Variants in VIT observed in about 807,000 individuals in gnomAD.
VIT encodes vitrin.
Under a neutral mutation model 78.0 loss-of-function variants are expected in VIT, and 99 were observed. The observed-to-expected ratio is 1.27, with a 90% CI of 1.08 to 1.50. The LOEUF is 1.50. VIT is among the 40% of genes most tolerant of loss of function. The probability of loss-of-function intolerance (pLI) is 0.00; values close to 1 mark genes in which losing one functional copy is unlikely to be tolerated. For synonymous variants in VIT, 374 were observed against 334.3 expected (o/e 1.12, Z -1.29); for missense variants, 1,126 against 875.3 (o/e 1.29, Z -3.61).
In VIT at chr2:36,778,982, G is replaced by A. The variant is rs1299225687; in HGVS notation, c.803-2745G>A. Among the ~76,000 whole-genome samples the A allele has an allele frequency of 2.0e-5, 3 of 152,320 alleles. No individual in the cohort carries two copies. The South Asian group carries it at 6.2e-4, about 32-fold the overall frequency. Reference sequence around the variant, plus strand: ...GAGAGCCCAAAGGGCCATGTTTGCAGCTCTTGCTTGGGTCCCGTGTTGGTG... The same window carrying A: ...GAGAGCCCAAAGGGCCATGTTTGCAACTCTTGCTTGGGTCCCGTGTTGGTG... On this transcript the variant is annotated intron_variant, in intron 9 of 15. Transcript: ENST00000379242.
At chr2:36,744,000 A>G (rs1667989791) in intron 4 of VIT, among the ~76,000 whole-genome samples, 1 of 152,028 alleles carries the variant, frequency 6.6e-6, no homozygotes, top group African/African-American at 2.4e-5. Flanking sequence ...TGTTGTTCCC[A>G]TCTTTGCATC....
intron 11 of VIT, among the ~76,000 whole-genome samples, chr2:36,784,731 T>C (rs914869372): frequency 6.6e-5 from 10 of 152,252 alleles, no homozygotes; most frequent in African/African-American, 2.2e-4. Flanking sequence ...CAACCTCTGA[T>C]CTCTTCTTTA....
At chr2:36,715,291 G>T (rs1251207391) in intron 1 of VIT, among the ~76,000 whole-genome samples, 1 of 152,128 alleles carries the variant, frequency 6.6e-6, no homozygotes, top group East Asian at 1.9e-4. Flanking sequence ...TGTAATTCCA[G>T]CACTTTGGGA....
At chr2:36,794,859 C>T (rs868766719) in intron 12 of VIT, among the ~76,000 whole-genome samples, 2 of 151,788 alleles carry the variant, frequency 1.3e-5, no homozygotes, top group Non-Finnish European at 2.9e-5. Context: ...AAAGAAATAC[C>T]GTTAAAAAAA....
At chr2:36,798,404 G>T (rs1666062009) in intron 12 of VIT, among the ~76,000 whole-genome samples, 1 of 152,160 alleles carries the variant, frequency 6.6e-6, no homozygotes, top group Non-Finnish European at 1.5e-5. Context: ...CTGAGGGATG[G>T]GGGCTGATGG....
At chr2:36,709,890 G>A (rs533519581) in intron 1 of VIT, among the ~76,000 whole-genome samples, 6 of 152,210 alleles carry the variant, frequency 3.9e-5, no homozygotes, top group Non-Finnish European at 8.8e-5. Context: ...TTATTCTGTA[G>A]AGAATGAGTG....
chr2:36,708,122 C>A (rs1665560790), intron 1 of VIT, among the ~76,000 whole-genome samples: 1 of 150,626 alleles, frequency 6.6e-6, no homozygotes, highest in Non-Finnish European at 1.5e-5. Flanking sequence ...CCCCCCCCGC[C>A]CACCTAGTGC....
At chr2:36,712,424 G>C (rs1252781463) in intron 1 of VIT, among the ~76,000 whole-genome samples, 6 of 152,178 alleles carry the variant, frequency 3.9e-5, no homozygotes, top group Non-Finnish European at 8.8e-5. Context: ...ACAGATTTGA[G>C]AGCACTTCTC....
chr2:36,739,350 G>A (rs896125753), intron 3 of VIT, among the ~76,000 whole-genome samples: 77 of 152,118 alleles, frequency 5.1e-4, no homozygotes, highest in African/African-American at 1.7e-3. Flanking sequence ...CTACATAATC[G>A]GCTTGCTGTA....
At chr2:36,733,155 C>A (rs774687839) in intron 3 of VIT, among the ~76,000 whole-genome samples, 5 of 152,124 alleles carry the variant, frequency 3.3e-5, no homozygotes, top group Non-Finnish European at 7.4e-5. Context: ...CAAGGCCAAT[C>A]TGCTTAAGCA....
intron 15 of VIT, among the ~76,000 whole-genome samples, chr2:36,812,925 A>G (rs189517680): frequency 0.015 from 2,113 of 136,708 alleles, 52 homozygotes; most frequent in African/African-American, 0.057. Flanking sequence ...CAGCGGTGCC[A>G]TCTCGGCTCA....
chr2:36,701,165 G>A (rs748641412), intron 1 of VIT, among the ~76,000 whole-genome samples: 7 of 152,200 alleles, frequency 4.6e-5, no homozygotes, highest in Non-Finnish European at 8.8e-5. Context: ...GTGGAGAGGC[G>A]TGGAGGCAAG....
intron 12 of VIT, among the ~76,000 whole-genome samples, chr2:36,793,868 G>A (rs1204055321): frequency 6.6e-6 from 1 of 152,158 alleles, no homozygotes; most frequent in Non-Finnish European, 1.5e-5. Context: ...AGGTACTTTA[G>A]GACTGAAAGG....
intron 10 of VIT, 65 bp downstream of exon 10, chr2:36,781,836 A>G: frequency 6.3e-7 from 1 of 1,588,402 alleles, no homozygotes; most frequent in Non-Finnish European, 8.6e-7. Context: ...CAGAACTAAG[A>G]GTCTAATAAT....
intron 1 of VIT, among the ~76,000 whole-genome samples, chr2:36,706,645 A>G (rs1210232593): frequency 6.6e-6 from 1 of 152,112 alleles, no homozygotes; most frequent in African/African-American, 2.4e-5. Context: ...ATCCCAGGGG[A>G]GGCCTCAATT....
chr2:36,794,016 T>C (rs1311932242), intron 12 of VIT, among the ~76,000 whole-genome samples: 11 of 152,134 alleles, frequency 7.2e-5, no homozygotes, highest in Admixed American at 2.6e-4. Flanking sequence ...CTTAGGTGAG[T>C]TTTATCATCA....
chr2:36,781,839 C>A, intron 10 of VIT, 68 bp downstream of exon 10: 4 of 1,581,898 alleles, frequency 2.5e-6, no homozygotes, highest in Non-Finnish European at 3.5e-6. Flanking sequence ...AACTAAGAGT[C>A]TAATAATCCA....
chr2:36,762,029 G>T (rs1006936688), intron 6 of VIT, among the ~76,000 whole-genome samples: 2 of 152,228 alleles, frequency 1.3e-5, no homozygotes, highest in Admixed American at 6.5e-5. Context: ...AGGGAAAGTT[G>T]CAGGGAAAAG....
At chr2:36,720,848 A>G (rs2148461375) in intron 2 of VIT, among the ~76,000 whole-genome samples, 1 of 152,308 alleles carries the variant, frequency 6.6e-6, no homozygotes. Context: ...CATCTCTACT[A>G]AAAATATAAA....
Sources: gnomAD v4.1 joint callset for allele counts (sites outside exome capture counted in the v4.1 genomes callset) on GRCh38, gnomAD v4.1.1 for gene constraint, MANE v1.5 for transcripts, NCBI Gene and HGNC (gene_info 2026-07-23, HGNC 2026-07-21) for gene names.